The following TIAL1 variants were observed in gnomAD, a reference collection of about 807,000 sequenced individuals.
TIAL1 encodes TIA1 cytotoxic granule associated RNA binding protein like 1.
In TIAL1, 7 loss-of-function variants were observed where a neutral mutation model predicts 59.7. The observed-to-expected ratio is 0.12, with a 90% CI of 0.07 to 0.22. The LOEUF (loss-of-function observed/expected upper bound fraction) is 0.22. Ranked by LOEUF, TIAL1 falls within the 10% of genes least tolerant of loss-of-function variation. The pLI, the probability that TIAL1 is intolerant of heterozygous loss-of-function variation, is 1.00. For synonymous variants in TIAL1, 149 were observed against 146.3 expected, an observed-to-expected ratio of 1.02 and a Z score of -0.13; for missense variants, 225 against 462.5, an observed-to-expected ratio of 0.49 and a Z score of 4.71.
chr10:119,575,816 C>A, intron 11 of TIAL1, 25 bp from the exon 12 acceptor site: 4 of 1,504,596 alleles, frequency 2.7e-6, no homozygotes, highest in Non-Finnish European at 2.7e-6. Context: ...AAAAAATCTT[C>A]AGCAAACACA....
intron 1 of TIAL1, among the ~76,000 whole-genome samples, chr10:119,589,159 G>A (rs1368628999): frequency 6.6e-6 from 1 of 151,966 alleles, no homozygotes; most frequent in East Asian, 1.9e-4. Context: ...AGGAGAGCAG[G>A]GTAAAATATA....
intron 5 of TIAL1, 32 bp downstream of exon 5, chr10:119,581,890 T>C: frequency 6.7e-7 from 1 of 1,499,114 alleles, no homozygotes; most frequent in Non-Finnish European, 9.3e-7. Context: ...CTGCCTATCA[T>C]GACTGAGTGT....
intron 2 of TIAL1, among the ~76,000 whole-genome samples, chr10:119,585,324 G>A (rs571604402): frequency 2.8e-5 from 4 of 144,356 alleles, no homozygotes; most frequent in East Asian, 4.3e-4. Context: ...TAGGTGTGGC[G>A]GTGCTGTCCC....
At chr10:119,592,821 G>T (rs1385965245) in intron 1 of TIAL1, among the ~76,000 whole-genome samples, 2 of 151,742 alleles carry the variant, frequency 1.3e-5, no homozygotes, top group African/African-American at 4.8e-5. Flanking sequence ...AAGAAACAAA[G>T]AATATGATTA....
intron 2 of TIAL1, among the ~76,000 whole-genome samples, chr10:119,587,766 G>A (rs1291275216): frequency 6.6e-6 from 1 of 152,066 alleles, no homozygotes; most frequent in Non-Finnish European, 1.5e-5. Context: ...CGAGACGAAC[G>A]GTGCTGCACA....
chr10:119,594,769 C>T (rs991922201), intron 1 of TIAL1, among the ~76,000 whole-genome samples: 7 of 152,104 alleles, frequency 4.6e-5, no homozygotes, highest in Non-Finnish European at 8.8e-5. Flanking sequence ...GGACTACAGG[C>T]GCGCGCCACC....
chr10:119,584,215 T>C (rs2133977663), intron 2 of TIAL1, among the ~76,000 whole-genome samples: 1 of 152,288 alleles, frequency 6.6e-6, no homozygotes, highest in African/African-American at 2.4e-5. Flanking sequence ...ATCACATATT[T>C]TATATATTCA....
Position 119,575,661 on chromosome 10 carries a change from C to G in TIAL1, c.*4G>C. On this transcript the variant is annotated 3_prime_UTR_variant, in exon 12 of 12. Coordinates refer to ENST00000436547, the MANE Select transcript of TIAL1 (RefSeq NM_003252.4). ...GAATTACAATTTTTTTTTAGAGTCCCGGCTCACTGTGTTTGGTAACTTGCC... is the reference window on the plus strand; with the variant it reads ...GAATTACAATTTTTTTTTAGAGTCCGGGCTCACTGTGTTTGGTAACTTGCC... The G allele has an allele frequency of 6.2e-7, 1 of 1,613,138 alleles. No homozygotes were observed. The highest frequency in any genetic ancestry group is 8.5e-7 in the Non-Finnish European group (1 of 1,179,628).
At chr10:119,580,881 G>T in intron 5 of TIAL1, 1 of 1,192,010 alleles carries the variant, frequency 8.4e-7, no homozygotes, top group South Asian at 1.5e-5. Flanking sequence ...ACTTTTAATT[G>T]TGACTTGGAC....
chr10:119,576,869 T>A, intron 10 of TIAL1, 119 bp from the exon 11 acceptor site: 4 of 1,417,120 alleles, frequency 2.8e-6, no homozygotes, highest in Non-Finnish European at 3.8e-6. Context: ...AGGACTCTGT[T>A]ATTTATCATT....
At chr10:119,585,728 C>T (rs374932031) in intron 2 of TIAL1, among the ~76,000 whole-genome samples, 19 of 152,090 alleles carry the variant, frequency 1.2e-4, no homozygotes, top group East Asian at 9.6e-4. Context: ...TCTCACAACC[C>T]GTTCTCTCCT....
At position 119,574,666 on chromosome 10, in the gene TIAL1, G is replaced by C. The variant is rs1428719311; in HGVS notation, c.*999C>G. ...AGAACATACTAATGCATCAAAGATT[G>C]TATGAAATTAAAATTAAGGCTTTTT... On this transcript the variant is annotated 3_prime_UTR_variant, in exon 12 of 12. Coordinates refer to ENST00000436547, the MANE Select transcript of TIAL1 (RefSeq NM_003252.4). 4 of 144,350 alleles carry C rather than the reference G, an allele frequency of 2.8e-5. No individual in the cohort carries two copies. Among genetic ancestry groups the C allele is most frequent in the African/African-American group, 1.0e-4 (4 of 39,616 alleles). 8.9% of individuals were successfully genotyped at this position (144,350 alleles called of 1,614,324 possible). A position where few individuals can be genotyped will look rare whatever the true frequency, so the allele number is the denominator to read the frequency against.
At chr10:119,585,451 T>TAA (rs11338069) in intron 2 of TIAL1, among the ~76,000 whole-genome samples, 7 of 138,420 alleles carry the variant, frequency 5.1e-5, no homozygotes, top group East Asian at 2.1e-4. Flanking sequence ...CCCTGTCTCT[T>TAA]AAAAAAAAAA....
chr10:119,579,413 TA>T (rs1376610656), intron 6 of TIAL1, among the ~76,000 whole-genome samples: 1 of 152,208 alleles, frequency 6.6e-6, no homozygotes, highest in African/African-American at 2.4e-5. Context: ...CCCACTTTAT[TA>T]TTTAATGTTA....
In TIAL1 at chr10:119,575,496, G is replaced by A; in HGVS notation, c.*169C>T. 2 of 739,710 alleles carry A rather than the reference G, an allele frequency of 2.7e-6. No homozygotes were observed. Among genetic ancestry groups the A allele is most frequent in the Non-Finnish European group, 4.1e-6 (2 of 483,282 alleles). 45.8% of individuals were successfully genotyped at this position (739,710 alleles called of 1,614,324 possible). ...TCATGAACAAAAACTTAAAAAGGCA[G>A]AACTAGAAGACACGTGTCCTTCACC... On this transcript the variant is annotated 3_prime_UTR_variant, in exon 12 of 12. Transcript: ENST00000436547.
Position 119,582,665 on chromosome 10 carries a change from A to G in TIAL1, c.130-108T>C. On this transcript the variant is annotated intron_variant, in intron 2 of 11. Coordinates refer to ENST00000436547, the MANE Select transcript of TIAL1 (RefSeq NM_003252.4). The surrounding 1 kb of genome is among the most constrained non-coding windows in gnomAD (Gnocchi z 5.1). Reference sequence around the variant, plus strand: ...GATAGCTGGGAATATACAAGGTGAGACTGCATAAGCTTATGAAAGCCTAAC... The same window carrying G: ...GATAGCTGGGAATATACAAGGTGAGGCTGCATAAGCTTATGAAAGCCTAAC... The G allele has an allele frequency of 5.3e-6, 8 of 1,521,724 alleles. No homozygotes were observed. Among genetic ancestry groups the G allele is most frequent in the African/African-American group, 1.4e-5 (1 of 71,624 alleles). 94.3% of individuals were successfully genotyped at this position (1,521,724 alleles called of 1,614,324 possible). A position where few individuals can be genotyped will look rare whatever the true frequency, so the allele number is the denominator to read the frequency against.
At chr10:119,587,380 A>C (rs543104803) in intron 2 of TIAL1, among the ~76,000 whole-genome samples, 28 of 152,152 alleles carry the variant, frequency 1.8e-4, no homozygotes, top group Non-Finnish European at 3.1e-4. Context: ...TATCCTTTCA[A>C]GGTTTCCGCC....
chr10:119,588,647 T>C (rs1845696553), intron 1 of TIAL1, among the ~76,000 whole-genome samples: 1 of 152,160 alleles, frequency 6.6e-6, no homozygotes, highest in South Asian at 2.1e-4. Context: ...CCCGGCCACC[T>C]TTTATTTCAT....
At chr10:119,590,810 A>AAGAG (rs1260114585) in intron 1 of TIAL1, among the ~76,000 whole-genome samples, 1 of 150,808 alleles carries the variant, frequency 6.6e-6, no homozygotes, top group Non-Finnish European at 1.5e-5. Context: ...GAAAGAAAGA[A>AAGAG]AGAAAGAAAG....
Sources: gnomAD v4.1 joint callset for allele counts (sites outside exome capture counted in the v4.1 genomes callset) on GRCh38, gnomAD v4.1.1 for gene constraint, Gnocchi (gnomAD v3.1) non-coding constraint, MANE v1.5 for transcripts, NCBI Gene and HGNC (gene_info 2026-07-23, HGNC 2026-07-21) for gene names.